Variants in ISOC1 observed in about 807,000 individuals in gnomAD.
The protein encoded by ISOC1 is isochorismatase domain-containing protein 1.
ISOC1 carries 33 observed loss-of-function variants against 30.0 expected under a neutral mutation model. The observed-to-expected ratio is 1.10, with a 90% CI of 0.83 to 1.47. ISOC1 has a LOEUF of 1.47. ISOC1 is among the 40% of genes most tolerant of loss of function. ISOC1 has a pLI of 0.00. For missense variants in ISOC1, 372 were observed against 388.0 expected, an observed-to-expected ratio of 0.96 and a Z score of 0.35; for synonymous variants, 178 against 159.8, an observed-to-expected ratio of 1.11 and a Z score of -0.86.
chr5:129,105,958 A>G (rs946195740), intron 3 of ISOC1, among the ~76,000 whole-genome samples: 7 of 152,224 alleles, frequency 4.6e-5, no homozygotes, highest in African/African-American at 1.7e-4. Context: ...CACTAAAACA[A>G]TGAAATCAAA....
intron 4 of ISOC1, among the ~76,000 whole-genome samples, chr5:129,108,170 A>G (rs1363800341): frequency 6.6e-5 from 10 of 152,152 alleles, no homozygotes. Flanking sequence ...TGTCTGTAGT[A>G]GGAATGCTAA....
chr5:129,100,640 A>G (rs1323563717), intron 1 of ISOC1, among the ~76,000 whole-genome samples: 1 of 152,170 alleles, frequency 6.6e-6, no homozygotes, highest in African/African-American at 2.4e-5. Flanking sequence ...TGCAACATGT[A>G]AATGTTTGGC....
At chr5:129,102,106 C>T (rs954982375) in intron 1 of ISOC1, among the ~76,000 whole-genome samples, 1 of 152,296 alleles carries the variant, frequency 6.6e-6, no homozygotes, top group East Asian at 1.9e-4. Flanking sequence ...ACTCTTCCCC[C>T]TCTATACTCT....
intron 4 of ISOC1, among the ~76,000 whole-genome samples, chr5:129,109,103 A>G (rs185628457): frequency 5.9e-5 from 9 of 152,320 alleles, no homozygotes; most frequent in African/African-American, 2.2e-4. Context: ...CTTAATGACA[A>G]AATTTTGATT....
chr5:129,105,513 A>G (rs1321445792), intron 3 of ISOC1, 125 bp downstream of exon 3: 3 of 751,330 alleles, frequency 4.0e-6, no homozygotes, highest in African/African-American at 1.8e-5. Context: ...GCCACCATGT[A>G]TTATGTTCAC....
At chr5:129,095,238 G>C (rs763030162) in intron 1 of ISOC1, among the ~76,000 whole-genome samples, 163 bp downstream of exon 1, 1 of 152,188 alleles carries the variant, frequency 6.6e-6, no homozygotes, top group South Asian at 2.1e-4. Context: ...CGCAAGTTCC[G>C]GGGCCGGCTG....
At chr5:129,102,480 C>G (rs1413182538) in intron 1 of ISOC1, among the ~76,000 whole-genome samples, 1 of 152,162 alleles carries the variant, frequency 6.6e-6, no homozygotes, top group Non-Finnish European at 1.5e-5. Flanking sequence ...GGGCAGGAAA[C>G]ACCAGCTAGC....
intron 2 of ISOC1, 40 bp from the exon 3 acceptor site, chr5:129,105,145 A>G: frequency 1.2e-6 from 2 of 1,607,120 alleles, no homozygotes; most frequent in Non-Finnish European, 8.5e-7. Context: ...ACATATATGT[A>G]TATAGCTAAT....
chr5:129,095,350 T>C lies in ISOC1; in HGVS notation c.309+275T>C, dbSNP rs528251895. On this transcript the variant is annotated intron_variant, in intron 1 of 4. Coordinates refer to ENST00000173527, the MANE Select transcript of ISOC1 (RefSeq NM_016048.2). The stretch of plus-strand genomic sequence containing the variant: ...CCCGCGAACGCCCCCACGTGTGTGG[T>C]CCTCGGTCGCCCGCATCCGCTTTTT... 2.0e-4 allele frequency among the ~76,000 whole-genome samples: 31 copies of C among 152,304 alleles called. 2 individuals are homozygous for C. The South Asian group carries it at 6.4e-3, about 32-fold the overall frequency.
chr5:129,108,723 GCTGGTCTCGAACTC>G (rs1426113568), intron 4 of ISOC1, among the ~76,000 whole-genome samples: 2 of 152,104 alleles, frequency 1.3e-5, no homozygotes, highest in Non-Finnish European at 2.9e-5. Flanking sequence ...TGTTGGCCAG[GCTGGTCTCGAACTC>G]CTGACCTCAG....
intron 1 of ISOC1, among the ~76,000 whole-genome samples, chr5:129,102,080 T>G (rs1753578783): frequency 6.6e-6 from 1 of 152,170 alleles, no homozygotes; most frequent in Non-Finnish European, 1.5e-5. Flanking sequence ...TCGTCAGGTC[T>G]CTCCATTGTA....
At chr5:129,104,054 G>C (rs528944678) in intron 1 of ISOC1, among the ~76,000 whole-genome samples, 87 of 152,104 alleles carry the variant, frequency 5.7e-4, no homozygotes, top group Non-Finnish European at 1.1e-3. Context: ...GCTAATATGA[G>C]GTTTGGTAAT....
chr5:129,104,895 C>T (rs1240452222), intron 1 of ISOC1, 61 bp from the exon 2 acceptor site: 25 of 1,548,716 alleles, frequency 1.6e-5, no homozygotes, highest in Non-Finnish European at 2.2e-5. Flanking sequence ...TATTGACCTC[C>T]ACTGAAAATA....
intron 4 of ISOC1, among the ~76,000 whole-genome samples, chr5:129,111,149 A>T (rs1395804431): frequency 1.3e-5 from 2 of 152,144 alleles, no homozygotes; most frequent in African/African-American, 4.8e-5. Flanking sequence ...TAAAGCAAGG[A>T]GGAGGAAATT....
intron 1 of ISOC1, 58 bp from the exon 2 acceptor site, chr5:129,104,897 CT>C: frequency 6.4e-7 from 1 of 1,563,230 alleles, no homozygotes; most frequent in Non-Finnish European, 8.7e-7. Context: ...TTGACCTCCA[CT>C]GAAAATAAAT....
intron 4 of ISOC1, among the ~76,000 whole-genome samples, chr5:129,110,594 G>A (rs990773864): frequency 5.9e-5 from 9 of 152,264 alleles, no homozygotes; most frequent in Non-Finnish European, 1.2e-4. Flanking sequence ...TAGTGTATGG[G>A]TGTCACTTTC....
intron 4 of ISOC1, among the ~76,000 whole-genome samples, chr5:129,111,728 T>C (rs1290937859): frequency 6.6e-6 from 1 of 152,168 alleles, no homozygotes; most frequent in Non-Finnish European, 1.5e-5. Flanking sequence ...TACCCCCGAC[T>C]TTCTGTTCTT....
chr5:129,100,120 C>A (rs1052161004), intron 1 of ISOC1, among the ~76,000 whole-genome samples: 1 of 152,042 alleles, frequency 6.6e-6, no homozygotes, highest in Non-Finnish European at 1.5e-5. Flanking sequence ...TAACGATGCC[C>A]CAGGTCCCCT....
In ISOC1 at chr5:129,095,046, A is replaced by G. The variant is rs1753476381; in HGVS notation, c.280A>G (p.Lys94Glu). The change falls in exon 1 of 5, where the codon AAG becomes GAG. Residue 94 changes from lysine to glutamate, a missense_variant. Physicochemically the swap from Lys to Glu is moderately conservative, Grantham distance 56. Coordinates refer to ENST00000173527, the MANE Select transcript of ISOC1 (RefSeq NM_016048.2). The part of the protein sequence containing the change: ...PKGFAVSERC[K>E]VRLVPLQIQL... Reference sequence around the variant, plus strand: ...GGGCTTCGCGGTGAGCGAGCGCTGCAAGGTGCGCCTCGTGCCGTTGCAGAT... The same window carrying G: ...GGGCTTCGCGGTGAGCGAGCGCTGCGAGGTGCGCCTCGTGCCGTTGCAGAT... 2 of 1,589,242 alleles carry G rather than the reference A, an allele frequency of 1.3e-6. No individual in the cohort carries two copies. The highest frequency in any genetic ancestry group is 2.7e-5 in the African/African-American group (2 of 73,898).
Sources: allele counts gnomAD v4.1 joint callset (sites outside exome capture counted in the v4.1 genomes callset), GRCh38; gene constraint gnomAD v4.1.1; transcripts MANE v1.5; gene names NCBI Gene and HGNC (gene_info 2026-07-23, HGNC 2026-07-21).